Variants in XKR3 observed in about 807,000 individuals in gnomAD.
XKR3 encodes XK-related protein 3.
In XKR3, 27 loss-of-function variants were observed where a neutral mutation model predicts 40.3. The observed-to-expected ratio is 0.67, with a 90% CI of 0.49 to 0.92. XKR3 has a LOEUF of 0.92. Among genes scored for constraint, XKR3 ranks in the 40% least tolerant of loss-of-function variants. XKR3 has a pLI of 0.00. For synonymous variants in XKR3, 193 were observed against 195.4 expected, an observed-to-expected ratio of 0.99 and a Z score of 0.10; for missense variants, 472 against 537.6, an observed-to-expected ratio of 0.88 and a Z score of 1.21.
Position 16,784,011 on chromosome 22 carries a change from A to T in XKR3, c.988T>A (p.Ser330Thr). 1 of 1,614,210 alleles carries T rather than the reference A, an allele frequency of 6.2e-7. No individual in the cohort carries two copies. The highest frequency in any genetic ancestry group is 2.2e-5 in the East Asian group (1 of 44,882). The change falls in exon 4 of 4, where the codon TCA becomes ACA. Residue 330 changes from serine (S) to threonine (T), a missense_variant. By Grantham distance (58) the Ser-to-Thr change is moderately conservative. Coordinates refer to ENST00000684488, the MANE Select transcript of XKR3 (RefSeq NM_001386955.1). Reference protein sequence around the residue: ...SCWSAVKLQLSDDKIIDGRQR... With the variant: ...SCWSAVKLQLTDDKIIDGRQR... Reference sequence around the variant, plus strand: ...CTCCCGTCAATTATTTTGTCATCTGACAACTGCAGTTTCACTGCTGACCAG... The same window carrying T: ...CTCCCGTCAATTATTTTGTCATCTGTCAACTGCAGTTTCACTGCTGACCAG...
At chr22:16,794,850 T>C (rs1193134680) in intron 3 of XKR3, among the ~76,000 whole-genome samples, 2 of 152,068 alleles carry the variant, frequency 1.3e-5, no homozygotes, top group African/African-American at 2.4e-5. Context: ...ATCATGCTAA[T>C]GGAAAACAAA....
At chr22:16,820,888 G>A (rs1327661378) in intron 1 of XKR3, among the ~76,000 whole-genome samples, 4 of 152,058 alleles carry the variant, frequency 2.6e-5, no homozygotes, top group Admixed American at 1.3e-4. Flanking sequence ...ACTGTTTCAC[G>A]ATCTCTTGTA....
chr22:16,799,741 T>C, intron 3 of XKR3, 30 bp downstream of exon 3: 1 of 1,610,568 alleles, frequency 6.2e-7, no homozygotes, highest in Non-Finnish European at 8.5e-7. Flanking sequence ...GACCTTTGTG[T>C]GTCTTTCAGC....
intron 1 of XKR3, among the ~76,000 whole-genome samples, chr22:16,809,049 G>C (rs1365608719): frequency 6.6e-6 from 1 of 152,066 alleles, no homozygotes; most frequent in Non-Finnish European, 1.5e-5. Flanking sequence ...AAAAGTAGTA[G>C]TTAAAAAAAG....
intron 3 of XKR3, among the ~76,000 whole-genome samples, chr22:16,793,415 T>C (rs1281391131): frequency 6.6e-6 from 1 of 152,252 alleles, no homozygotes; most frequent in Non-Finnish European, 1.5e-5. Flanking sequence ...AAGGCTGCAT[T>C]TTAAATAATT....
At chr22:16,786,569 T>G (rs4819887) in intron 3 of XKR3, among the ~76,000 whole-genome samples, 133,037 of 152,132 alleles carry the variant, frequency 0.87, 58,350 homozygotes, top group Middle Eastern at 0.97. Flanking sequence ...GGCAGCTGCA[T>G]GCCTTGAGTG....
chr22:16,813,707 C>T (rs186868347), intron 1 of XKR3, among the ~76,000 whole-genome samples: 73 of 152,300 alleles, frequency 4.8e-4, no homozygotes, highest in African/African-American at 1.7e-3. Context: ...ATTTTAGGAA[C>T]ATATGGTGAA....
intron 3 of XKR3, among the ~76,000 whole-genome samples, chr22:16,787,868 A>G (rs1474538896): frequency 6.6e-6 from 1 of 152,072 alleles, no homozygotes; most frequent in Non-Finnish European, 1.5e-5. Context: ...ATGCAAAGGG[A>G]GAAAAAAACT....
intron 3 of XKR3, among the ~76,000 whole-genome samples, chr22:16,791,809 G>T (rs1436217071): frequency 2.1e-5 from 1 of 48,418 alleles, no homozygotes; most frequent in Non-Finnish European, 4.5e-5. Context: ...GAGAGAGAGA[G>T]AGAAAGAGAG....
Position 16,784,088 on chromosome 22 carries a change from A to G in XKR3, c.911T>C (p.Val304Ala). ...KENNSNMVGT[V>A]LMLFLITLLY... ...CAGTGTGATCAAGAAAAGCATCAGT[A>G]CTGTACCCACCATATTGGAATTATT... The change falls in exon 4 of 4, where the codon GTA becomes GCA. Residue 304 changes from valine to alanine, a missense_variant. Coordinates refer to ENST00000684488, the MANE Select transcript of XKR3 (RefSeq NM_001386955.1). 3.7e-6 allele frequency: 6 copies of G among 1,614,216 alleles called. No individual in the cohort carries two copies. The highest frequency in any genetic ancestry group is 5.1e-6 in the Non-Finnish European group (6 of 1,180,046).
intron 3 of XKR3, among the ~76,000 whole-genome samples, chr22:16,798,088 G>A (rs564341527): frequency 6.7e-6 from 1 of 150,368 alleles, no homozygotes; most frequent in South Asian, 2.1e-4. Context: ...GCTGAGGCAG[G>A]AGAATCACTT....
At chr22:16,800,162 G>A in intron 2 of XKR3, 138 bp from the exon 3 acceptor site, 1 of 988,632 alleles carries the variant, frequency 1.0e-6, no homozygotes, top group Non-Finnish European at 1.4e-6. Flanking sequence ...AATCACACTG[G>A]ATAAAAAATA....
intron 1 of XKR3, among the ~76,000 whole-genome samples, chr22:16,818,593 G>GA (rs538626896): frequency 1.4e-4 from 21 of 151,832 alleles, no homozygotes; most frequent in Non-Finnish European, 2.1e-4. Flanking sequence ...GAACACCACA[G>GA]AAAAAAAACT....
At chr22:16,793,069 A>G (rs2060126987) in intron 3 of XKR3, among the ~76,000 whole-genome samples, 1 of 151,952 alleles carries the variant, frequency 6.6e-6, no homozygotes, top group African/African-American at 2.4e-5. Context: ...CTGGAGTGCA[A>G]TGGGGCCATC....
At chr22:16,822,676 G>C (rs2060261747) in intron 1 of XKR3, among the ~76,000 whole-genome samples, 1 of 152,128 alleles carries the variant, frequency 6.6e-6, no homozygotes, top group Admixed American at 6.6e-5. Context: ...ATTAATATCA[G>C]ACAAAGTAGA....
chr22:16,809,883 C>G (rs536589272), intron 1 of XKR3, among the ~76,000 whole-genome samples: 1 of 152,198 alleles, frequency 6.6e-6, no homozygotes, highest in Admixed American at 6.5e-5. Flanking sequence ...TTCCACCTTC[C>G]GGGTGATTGT....
intron 2 of XKR3, among the ~76,000 whole-genome samples, chr22:16,800,547 T>C (rs1050292869): frequency 2.6e-5 from 4 of 152,196 alleles, no homozygotes; most frequent in African/African-American, 9.7e-5. Flanking sequence ...TCTCTAGTGA[T>C]GAAATTTAGC....
chr22:16,785,539 T>A (rs746083859), intron 3 of XKR3, among the ~76,000 whole-genome samples: 1 of 152,048 alleles, frequency 6.6e-6, no homozygotes, highest in East Asian at 1.9e-4. Flanking sequence ...AGAGAAAAAA[T>A]TCATTTTACA....
chr22:16,816,817 A>T (rs1200225420), intron 1 of XKR3, among the ~76,000 whole-genome samples: 2 of 152,036 alleles, frequency 1.3e-5, no homozygotes, highest in Non-Finnish European at 2.9e-5. Context: ...AATTTTTATT[A>T]ACTTATCTTT....
Sources: allele counts gnomAD v4.1 joint callset (sites outside exome capture counted in the v4.1 genomes callset), GRCh38; gene constraint gnomAD v4.1.1; transcripts MANE v1.5; gene names NCBI Gene and HGNC (gene_info 2026-07-23, HGNC 2026-07-21).